GRK5: variants seen among roughly 807,000 people sequenced by gnomAD.
The protein encoded by GRK5 is G protein-coupled receptor kinase 5, also known as g protein-coupled receptor kinase GRK5.
Under a neutral mutation model 78.4 loss-of-function variants are expected in GRK5, and 40 were observed. That is an observed-to-expected ratio of 0.51 (90% CI 0.40 to 0.66). The LOEUF is 0.66. GRK5 is among the 30% of genes least tolerant of loss of function. The pLI is 0.00. For synonymous variants in GRK5, 289 were observed against 296.8 expected (o/e 0.97, Z 0.27); for missense variants, 598 against 759.9 (o/e 0.79, Z 2.50).
At position 119,459,216 on chromosome 10, in the gene GRK5, T is replaced by C. The variant is rs1853445209; in HGVS notation, c.*4149T>C. ...AATAGACCACGATTGCAAAGCCTCC[T>C]CTCCCAGAGACCCCTTCTGCGCCTG... On this transcript the variant is annotated 3_prime_UTR_variant, in exon 16 of 16. Coordinates refer to ENST00000392870, the MANE Select transcript of GRK5 (RefSeq NM_005308.3). 6.6e-6 allele frequency: 1 copy of C among 152,232 alleles called. No individual in the cohort carries two copies. The highest frequency in any genetic ancestry group is 6.5e-5 in the Admixed American group (1 of 15,280). 9.4% of individuals were successfully genotyped at this position (152,232 alleles called of 1,614,324 possible).
At chr10:119,361,049 T>C (rs375748603) in intron 2 of GRK5, among the ~76,000 whole-genome samples, 1 of 152,184 alleles carries the variant, frequency 6.6e-6, no homozygotes, top group African/African-American at 2.4e-5. Context: ...GGGAGTACTG[T>C]GGGCTTTGGA....
chr10:119,451,703 G>T (rs1853291313), intron 13 of GRK5, among the ~76,000 whole-genome samples: 1 of 152,232 alleles, frequency 6.6e-6, no homozygotes, highest in South Asian at 2.1e-4. Flanking sequence ...CTTTGCTGGG[G>T]ACAGCATGGC....
At chr10:119,385,395 G>A (rs1014779840) in intron 3 of GRK5, among the ~76,000 whole-genome samples, 1 of 152,138 alleles carries the variant, frequency 6.6e-6, no homozygotes, top group Non-Finnish European at 1.5e-5. Flanking sequence ...CTCCTAAGTA[G>A]CTGCAAATAC....
intron 4 of GRK5, among the ~76,000 whole-genome samples, chr10:119,398,804 G>A (rs2133856660): frequency 6.6e-6 from 1 of 152,362 alleles, no homozygotes; most frequent in African/African-American, 2.4e-5. Flanking sequence ...AGAGCCCTGA[G>A]TGTTTCCCCT....
rs748020504 is a variant in GRK5 at position 119,431,577 on chromosome 10, G to A, written c.738+50G>A. 1.9e-6 allele frequency: 3 copies of A among 1,587,914 alleles called. No homozygotes were observed. The highest frequency in any genetic ancestry group is 2.6e-6 in the Non-Finnish European group (3 of 1,166,034). On this transcript the variant is annotated intron_variant, in intron 8 of 15. Transcript: ENST00000392870. The surrounding 1 kb of genome is among the most constrained non-coding windows in gnomAD (Gnocchi z 4.8). ...ACCGGCTCGCCCTTCTGTGGACTGG[G>A]GCTTCCCTCCCTCCGGAAGGGCGTG...
chr10:119,321,858 C>T (rs1335818021), intron 1 of GRK5, among the ~76,000 whole-genome samples: 1 of 152,188 alleles, frequency 6.6e-6, no homozygotes, highest in African/African-American at 2.4e-5. Context: ...TTACCTTTCC[C>T]ACCGCCTCCA....
chr10:119,399,356 C>T (rs549573668), intron 4 of GRK5, among the ~76,000 whole-genome samples: 33 of 152,320 alleles, frequency 2.2e-4, no homozygotes, highest in Admixed American at 3.9e-4. Context: ...GCCCCAGTGC[C>T]CCAGATGCAG....
intron 1 of GRK5, among the ~76,000 whole-genome samples, chr10:119,300,934 C>CA (rs113124455): frequency 0.019 from 2,805 of 150,484 alleles, 35 homozygotes; most frequent in South Asian, 0.04. Context: ...AACTAAAATG[C>CA]AAAAAAAACA....
At chr10:119,215,959 G>T (rs529529736) in intron 1 of GRK5, among the ~76,000 whole-genome samples, 7 of 152,318 alleles carry the variant, frequency 4.6e-5, no homozygotes, top group African/African-American at 1.7e-4. Flanking sequence ...TCTGAGCTGG[G>T]AAGACATCAG....
At chr10:119,258,865 G>T (rs901810002) in intron 1 of GRK5, among the ~76,000 whole-genome samples, 1 of 152,228 alleles carries the variant, frequency 6.6e-6, no homozygotes, top group Admixed American at 6.5e-5. Flanking sequence ...ATTGACTGAG[G>T]GCTCCTGCGG....
intron 1 of GRK5, among the ~76,000 whole-genome samples, chr10:119,230,889 A>G (rs1848817466): frequency 6.6e-6 from 1 of 151,858 alleles, no homozygotes; most frequent in South Asian, 2.1e-4. Context: ...GGAGGCTCAA[A>G]AACTACCTGT....
At chr10:119,400,580 T>G in intron 4 of GRK5, among the ~76,000 whole-genome samples, 1 of 149,210 alleles carries the variant, frequency 6.7e-6, no homozygotes, top group Non-Finnish European at 1.5e-5. Context: ...GGCACAGAGG[T>G]AGGAAAGCGC....
chr10:119,260,223 G>A (rs1030507078), intron 1 of GRK5, among the ~76,000 whole-genome samples: 1 of 152,014 alleles, frequency 6.6e-6, no homozygotes, highest in Non-Finnish European at 1.5e-5. Flanking sequence ...GGATGGTCTC[G>A]ATCTCCTGAC....
chr10:119,428,351 T>C (rs1003931816), intron 6 of GRK5, among the ~76,000 whole-genome samples: 5 of 152,276 alleles, frequency 3.3e-5, no homozygotes, highest in African/African-American at 4.8e-5. Context: ...GTGAGGATTA[T>C]AGAAGCCCCC....
At chr10:119,286,849 C>T (rs758647885) in intron 1 of GRK5, among the ~76,000 whole-genome samples, 8 of 152,178 alleles carry the variant, frequency 5.3e-5, no homozygotes, top group Non-Finnish European at 1.2e-4. Context: ...ATCAAAGGCT[C>T]AGTGTGTATA....
intron 3 of GRK5, among the ~76,000 whole-genome samples, chr10:119,393,158 C>G (rs377597081): frequency 1.3e-5 from 2 of 152,200 alleles, no homozygotes; most frequent in African/African-American, 4.8e-5. Context: ...TTAATCAGTG[C>G]GAAAAGCCCA....
At chr10:119,365,782 T>C (rs547072659) in intron 2 of GRK5, among the ~76,000 whole-genome samples, 2 of 152,226 alleles carry the variant, frequency 1.3e-5, no homozygotes, top group Non-Finnish European at 2.9e-5. Context: ...TCTTAGGCTC[T>C]GGCGTTATTG....
chr10:119,457,623 G>A lies in GRK5; in HGVS notation c.*2556G>A, dbSNP rs980219353. The stretch of plus-strand genomic sequence containing the variant: ...GGGAATCAGCCCTTCTCCCTACTGA[G>A]TCCCCAGTCCTGTCCCTTCCCTGAC... On this transcript the variant is annotated 3_prime_UTR_variant, in exon 16 of 16. Coordinates refer to ENST00000392870, the MANE Select transcript of GRK5 (RefSeq NM_005308.3). 4.0e-5 allele frequency: 6 copies of A among 151,586 alleles called. No homozygotes were observed. Among genetic ancestry groups the A allele is most frequent in the African/African-American group, 1.5e-4 (6 of 41,198 alleles). 9.4% of individuals were successfully genotyped at this position (151,586 alleles called of 1,614,324 possible). A position where few individuals can be genotyped will look rare whatever the true frequency, so the allele number is the denominator to read the frequency against.
Position 119,452,846 on chromosome 10 carries a change from AGG to A in GRK5, c.1542+40_1542+41del. The A allele has an allele frequency of 1.9e-6, 1 of 518,304 alleles. No homozygotes were observed. Among genetic ancestry groups the A allele is most frequent in the Non-Finnish European group, 3.9e-6 (1 of 256,978 alleles). 32.1% of individuals were successfully genotyped at this position (518,304 alleles called of 1,614,324 possible). On this transcript the variant is annotated intron_variant, in intron 14 of 15. Coordinates refer to ENST00000392870, the MANE Select transcript of GRK5 (RefSeq NM_005308.3). This position sits in a 1 kb window ranked among gnomAD's most constrained non-coding sequence, Gnocchi z 4.4. ...GACCACTTGCTTTGGTCTGGGTGGG[AGG>A]GAGGGACTGACGGGTGGAAGGAGGC...
Sources: allele counts gnomAD v4.1 joint callset (sites outside exome capture counted in the v4.1 genomes callset), GRCh38; gene constraint gnomAD v4.1.1; non-coding constraint Gnocchi (gnomAD v3.1); transcripts MANE v1.5; gene names NCBI Gene and HGNC (gene_info 2026-07-23, HGNC 2026-07-21).